LRRC8C: variants seen among roughly 807,000 people sequenced by gnomAD.
LRRC8C encodes the protein volume-regulated anion channel subunit LRRC8C.
LRRC8C carries 20 observed loss-of-function variants against 55.3 expected under a neutral mutation model. The observed-to-expected ratio is 0.36, with a 90% CI of 0.25 to 0.53. The LOEUF is 0.53. LRRC8C is among the 20% of genes least tolerant of loss of function. The pLI is 0.92. For synonymous variants in LRRC8C, 376 were observed against 360.7 expected (o/e 1.04, Z -0.48); for missense variants, 659 against 951.4 (o/e 0.69, Z 4.04).
chr1:89,680,549 C>CTTTTTTTTTTTTTTTTTTTT (rs10593283), intron 1 of LRRC8C, among the ~76,000 whole-genome samples: 5 of 91,870 alleles, frequency 5.4e-5, no homozygotes, highest in Non-Finnish European at 7.6e-5. Context: ...TGCTTTCATG[C>CTTTTTTTTTTTTTTTTTTTT]TTTTTTTTTT....
At chr1:89,704,144 C>G (rs1301334652) in intron 2 of LRRC8C, among the ~76,000 whole-genome samples, 1 of 152,118 alleles carries the variant, frequency 6.6e-6, no homozygotes, top group Non-Finnish European at 1.5e-5. Context: ...CCACTACAAA[C>G]AGGATACAGA....
At chr1:89,702,702 A>G (rs967310127) in intron 2 of LRRC8C, among the ~76,000 whole-genome samples, 7 of 152,108 alleles carry the variant, frequency 4.6e-5, no homozygotes, top group Admixed American at 4.6e-4. Flanking sequence ...TTTTGAAGCT[A>G]CTGTGAGCCA....
intron 2 of LRRC8C, among the ~76,000 whole-genome samples, chr1:89,692,965 T>C (rs1658064567): frequency 6.6e-6 from 1 of 152,072 alleles, no homozygotes; most frequent in African/African-American, 2.4e-5. Context: ...TTACCAAATA[T>C]AGAATTAGCA....
chr1:89,658,523 A>C (rs1312211815), intron 1 of LRRC8C, among the ~76,000 whole-genome samples: 1 of 152,212 alleles, frequency 6.6e-6, no homozygotes, highest in African/African-American at 2.4e-5. Context: ...TGGTAGAATC[A>C]CTACATTTTA....
chr1:89,707,936 C>T (rs150849622), intron 2 of LRRC8C, among the ~76,000 whole-genome samples: 143 of 152,224 alleles, frequency 9.4e-4, no homozygotes, highest in African/African-American at 3.3e-3. Flanking sequence ...CTGTGTCCCT[C>T]TCCTCCTCCT....
chr1:89,707,635 GGTGT>G lies in LRRC8C; in HGVS notation c.139-5062_139-5059del, dbSNP rs1247177777. ...AAATGCATTCATAAAAGGTGTGGCT[GGTGT>G]GTGTGTGTGTGAGTGTGTGTGTGTG... On this transcript the variant is annotated intron_variant, in intron 2 of 2. Coordinates refer to ENST00000370454, the MANE Select transcript of LRRC8C (RefSeq NM_032270.5). Among the ~76,000 whole-genome samples the G allele has an allele frequency of 1.5e-3, 208 of 140,918 alleles. 1 individual carries two copies. Among genetic ancestry groups the G allele is most frequent in the African/African-American group, 5.0e-3 (192 of 38,168 alleles). The allele number at this position is 140,918 out of a possible 152,430, so 92.4% of individuals were successfully genotyped here.
upstream of LRRC8C, among the ~76,000 whole-genome samples, chr1:89,628,395 T>G (rs1361731935): frequency 1.3e-5 from 2 of 152,188 alleles, no homozygotes; most frequent in Non-Finnish European, 2.9e-5. Context: ...CCTTTATTAT[T>G]ATTTTTATTT....
At chr1:89,638,967 A>ATT (rs1553163816) in intron 1 of LRRC8C, among the ~76,000 whole-genome samples, 1 of 137,864 alleles carries the variant, frequency 7.3e-6, no homozygotes, top group African/African-American at 2.7e-5. Context: ...TATTTTACTT[A>ATT]TTATTTTATT....
chr1:89,706,357 T>A, intron 2 of LRRC8C: 1 of 456,150 alleles, frequency 2.2e-6, no homozygotes, highest in Non-Finnish European at 4.4e-6. Context: ...CCCTTTGGTG[T>A]CTCATTCATG....
At chr1:89,651,184 A>G (rs759634486) in intron 1 of LRRC8C, among the ~76,000 whole-genome samples, 12 of 152,308 alleles carry the variant, frequency 7.9e-5, no homozygotes, top group Non-Finnish European at 1.5e-4. Flanking sequence ...TGGCCCATGC[A>G]TTTTGAGTTA....
At chr1:89,710,097 AG>A (rs1447422123) in intron 2 of LRRC8C, among the ~76,000 whole-genome samples, 2 of 152,186 alleles carry the variant, frequency 1.3e-5, no homozygotes, top group Non-Finnish European at 2.9e-5. Context: ...CAATAGTTCA[AG>A]GGTGTCAGTC....
Position 89,713,372 on chromosome 1 carries a change from C to A in LRRC8C, c.802C>A (p.Leu268Ile). The A allele has an allele frequency of 6.2e-7, 1 of 1,614,212 alleles. No individual in the cohort carries two copies. The highest frequency in any genetic ancestry group is 8.5e-7 in the Non-Finnish European group (1 of 1,180,044). Reference protein sequence around the residue: ...LYAMYVRQTVLKVIKFLIIIA... With the variant: ...LYAMYVRQTVIKVIKFLIIIA... The stretch of plus-strand genomic sequence containing the variant: ...TGCCATGTATGTTCGCCAGACTGTA[C>A]TTAAAGTTATCAAATTCCTAATCAT... Residue 268 changes from leucine to isoleucine, a missense_variant, in exon 3 of 3, where the codon CTT (leucine) becomes ATT (isoleucine). Transcript: ENST00000370454. This position sits in a 1 kb window ranked among gnomAD's most constrained non-coding sequence, Gnocchi z 5.2.
chr1:89,617,651 G>C, the LRRC8C span, among the ~76,000 whole-genome samples: 1 of 152,114 alleles, frequency 6.6e-6, no homozygotes, highest in Non-Finnish European at 1.5e-5. Flanking sequence ...ACCAGAATTG[G>C]CACAGATTAA....
intron 2 of LRRC8C, among the ~76,000 whole-genome samples, chr1:89,694,750 G>A (rs534215357): frequency 1.8e-4 from 28 of 151,670 alleles, no homozygotes; most frequent in African/African-American, 5.6e-4. Flanking sequence ...ACCACACCCA[G>A]CTAATTTTTG....
Position 89,682,082 on chromosome 1 carries a change from C to A in LRRC8C, c.-4-4388C>A, listed in dbSNP as rs181374991. 1.1e-4 allele frequency among the ~76,000 whole-genome samples: 16 copies of A among 152,214 alleles called. No homozygotes were observed. In the East Asian group the frequency reaches 2.9e-3, roughly 28 times the overall value. On this transcript the variant is annotated intron_variant, in intron 1 of 2. Coordinates refer to ENST00000370454, the MANE Select transcript of LRRC8C (RefSeq NM_032270.5). ...GTCCCAGCTGCTCAGGAGGCTGAGG[C>A]AGGAAAATGGCGTGAACCCGGGAGG... is the stretch of plus-strand genomic sequence containing the variant.
At chr1:89,685,555 A>T (rs996486497) in intron 1 of LRRC8C, among the ~76,000 whole-genome samples, 6 of 152,006 alleles carry the variant, frequency 3.9e-5, no homozygotes, top group Non-Finnish European at 8.8e-5. Context: ...CATAAGATAC[A>T]GAAAGAATAT....
At chr1:89,698,009 C>T (rs923950897) in intron 2 of LRRC8C, among the ~76,000 whole-genome samples, 6 of 152,118 alleles carry the variant, frequency 3.9e-5, no homozygotes, top group East Asian at 1.9e-4. Flanking sequence ...ATAGGAGAAT[C>T]GTATTTACTA....
intron 1 of LRRC8C, among the ~76,000 whole-genome samples, chr1:89,681,158 G>A (rs752651002): frequency 6.6e-5 from 10 of 152,136 alleles, no homozygotes; most frequent in Non-Finnish European, 1.3e-4. Context: ...GGCTCCCTTA[G>A]CTTGAAATGA....
chr1:89,712,117 TA>T (rs1658665260), intron 2 of LRRC8C, among the ~76,000 whole-genome samples: 1 of 152,080 alleles, frequency 6.6e-6, no homozygotes, highest in African/African-American at 2.4e-5. Context: ...AGAGAATTGA[TA>T]ATTTTTTTTT....
Sources: allele counts gnomAD v4.1 joint callset (sites outside exome capture counted in the v4.1 genomes callset), GRCh38; gene constraint gnomAD v4.1.1; non-coding constraint Gnocchi (gnomAD v3.1); transcripts MANE v1.5; gene names NCBI Gene and HGNC (gene_info 2026-07-23, HGNC 2026-07-21).